PTPRD: variants seen among roughly 807,000 people sequenced by gnomAD.
PTPRD encodes the protein receptor-type tyrosine-protein phosphatase delta.
In PTPRD, 34 loss-of-function variants were observed where a neutral mutation model predicts 214.5. That is an observed-to-expected ratio of 0.16 (90% confidence interval 0.12 to 0.21). PTPRD has a LOEUF of 0.21. Among genes scored for constraint, PTPRD ranks in the 10% least tolerant of loss-of-function variants. The probability of loss-of-function intolerance (pLI) is 1.00; values close to 1 mark genes in which losing one functional copy is unlikely to be tolerated. For missense variants in PTPRD, 2,545 were observed against 2,398.7 expected (o/e 1.06, Z -1.27); for synonymous variants, 1,128 against 845.7 (o/e 1.33, Z -5.79).
At chr9:8,594,795 T>C (rs1249457390) in intron 14 of PTPRD, among the ~76,000 whole-genome samples, 1 of 151,904 alleles carries the variant, frequency 6.6e-6, no homozygotes, top group Non-Finnish European at 1.5e-5. Context: ...TCTTTTCTTA[T>C]AAATTACCCA....
chr9:9,571,045 C>T (rs1203126030), intron 8 of PTPRD, among the ~76,000 whole-genome samples: 2 of 151,324 alleles, frequency 1.3e-5, no homozygotes, highest in South Asian at 4.2e-4. Flanking sequence ...CATGACATGG[C>T]TTAGACTAAG....
At chr9:8,894,595 A>T (rs952058842) in intron 11 of PTPRD, among the ~76,000 whole-genome samples, 1 of 152,052 alleles carries the variant, frequency 6.6e-6, no homozygotes, top group African/African-American at 2.4e-5. Flanking sequence ...ATTTTTATCT[A>T]ATTTTTGGTT....
At chr9:9,068,090 C>T (rs904004024) in intron 10 of PTPRD, among the ~76,000 whole-genome samples, 9 of 151,934 alleles carry the variant, frequency 5.9e-5, no homozygotes, top group African/African-American at 2.2e-4. Flanking sequence ...TAATATTTAA[C>T]CTTTTTTAGA....
chr9:8,935,322 G>T (rs1239829674), intron 11 of PTPRD, among the ~76,000 whole-genome samples: 1 of 152,012 alleles, frequency 6.6e-6, no homozygotes, highest in African/African-American at 2.4e-5. Flanking sequence ...ATTTAAAAAA[G>T]AAATTAAGAA....
intron 9 of PTPRD, among the ~76,000 whole-genome samples, chr9:9,358,135 T>C (rs1404020214): frequency 1.3e-5 from 2 of 151,302 alleles, no homozygotes; most frequent in African/African-American, 4.8e-5. Context: ...AAGACCTTTT[T>C]GAAACAGCAT....
intron 21 of PTPRD, among the ~76,000 whole-genome samples, chr9:8,510,397 C>T (rs1465584727): frequency 6.6e-6 from 1 of 152,178 alleles, no homozygotes; most frequent in Non-Finnish European, 1.5e-5. Context: ...CATATGGGGC[C>T]TGGGGCCCGG....
At chr9:9,077,918 T>A (rs564811760) in intron 10 of PTPRD, among the ~76,000 whole-genome samples, 1 of 152,112 alleles carries the variant, frequency 6.6e-6, no homozygotes. Context: ...TCTATTTACA[T>A]TGAAGCCATT....
intron 11 of PTPRD, among the ~76,000 whole-genome samples, chr9:8,820,148 T>C (rs2097020931): frequency 1.3e-5 from 2 of 152,192 alleles, no homozygotes; most frequent in African/African-American, 2.4e-5. Flanking sequence ...TATACATATA[T>C]GTTTATATTC....
intron 39 of PTPRD, among the ~76,000 whole-genome samples, chr9:8,374,136 G>A (rs940842535): frequency 6.6e-6 from 1 of 151,196 alleles, no homozygotes; most frequent in Admixed American, 6.6e-5. Context: ...GTGTGTGTGT[G>A]TGTGTGTGTG....
intron 3 of PTPRD, among the ~76,000 whole-genome samples, chr9:10,292,707 T>C (rs2095562794): frequency 6.6e-6 from 1 of 151,792 alleles, no homozygotes; most frequent in Non-Finnish European, 1.5e-5. Context: ...CCACCTGAAA[T>C]CATACACTAA....
chr9:9,937,411 AG>A (rs1169998704), intron 5 of PTPRD, among the ~76,000 whole-genome samples: 1 of 138,818 alleles, frequency 7.2e-6, no homozygotes, highest in East Asian at 2.5e-4. Flanking sequence ...GTGTTTTAAT[AG>A]TTCCATAGAT....
chr9:9,150,244 AACC>A (rs2099875508), intron 10 of PTPRD, among the ~76,000 whole-genome samples: 2 of 151,976 alleles, frequency 1.3e-5, no homozygotes, highest in Admixed American at 6.6e-5. Context: ...ATGTATGAGA[AACC>A]ACAATATAAT....
chr9:9,484,275 A>T (rs1465722813), intron 8 of PTPRD, among the ~76,000 whole-genome samples: 1 of 152,090 alleles, frequency 6.6e-6, no homozygotes, highest in Non-Finnish European at 1.5e-5. Flanking sequence ...AAAAAATGTC[A>T]TTTTGAATGA....
At chr9:10,052,914 G>C (rs1185000334) in intron 3 of PTPRD, among the ~76,000 whole-genome samples, 1 of 151,882 alleles carries the variant, frequency 6.6e-6, no homozygotes, top group Admixed American at 6.6e-5. Flanking sequence ...TAAATATCAG[G>C]AACTCACTGT....
intron 7 of PTPRD, among the ~76,000 whole-genome samples, chr9:9,653,637 A>C (rs2096434038): frequency 6.6e-6 from 1 of 152,158 alleles, no homozygotes; most frequent in South Asian, 2.1e-4. Flanking sequence ...GTCCTGTATT[A>C]TAATGTGGTT....
At chr9:8,681,840 G>A (rs2097555778) in intron 12 of PTPRD, among the ~76,000 whole-genome samples, 1 of 152,112 alleles carries the variant, frequency 6.6e-6, no homozygotes, top group Non-Finnish European at 1.5e-5. Context: ...TTCAGTGATT[G>A]CCCTTCCCCA....
At chr9:9,575,352 A>G (rs778015747) in intron 7 of PTPRD, among the ~76,000 whole-genome samples, 3 of 152,252 alleles carry the variant, frequency 2.0e-5, no homozygotes, top group Admixed American at 1.3e-4. Context: ...TTTAATAATT[A>G]TGCTAGTTAT....
intron 10 of PTPRD, among the ~76,000 whole-genome samples, chr9:9,036,356 G>A (rs2099621859): frequency 6.6e-6 from 1 of 151,960 alleles, no homozygotes; most frequent in Admixed American, 6.6e-5. Flanking sequence ...AGCAAGTGAA[G>A]ACACTGAGAC....
At chr9:8,667,422 C>A (rs1313544560) in intron 12 of PTPRD, among the ~76,000 whole-genome samples, 1 of 152,164 alleles carries the variant, frequency 6.6e-6, no homozygotes, top group Non-Finnish European at 1.5e-5. Context: ...AACATATCCT[C>A]ATGTACTGGT....
Sources: gnomAD v4.1 joint callset for allele counts (sites outside exome capture counted in the v4.1 genomes callset) on GRCh38, gnomAD v4.1.1 for gene constraint, MANE v1.5 for transcripts, NCBI Gene and HGNC (gene_info 2026-07-23, HGNC 2026-07-21) for gene names.